Variants in CUL4B observed in about 807,000 individuals in gnomAD.
CUL4B encodes cullin 4B, also known as cullin-4B.
CUL4B carries 1 observed loss-of-function variant against 69.2 expected under a neutral mutation model. The ratio of observed to expected loss-of-function variants is 0.01; its 90% CI spans 0.01 to 0.07. The LOEUF (loss-of-function observed/expected upper bound fraction) is 0.07. Ranked by LOEUF, CUL4B falls within the 10% of genes least tolerant of loss-of-function variation. The probability of loss-of-function intolerance (pLI) is 1.00; values close to 1 mark genes in which losing one functional copy is unlikely to be tolerated. For synonymous variants in CUL4B, 237 were observed against 223.2 expected, an observed-to-expected ratio of 1.06 and a Z score of -0.55; for missense variants, 328 against 638.8, an observed-to-expected ratio of 0.51 and a Z score of 5.24.
At chrX:120,557,701 T>C (rs962981020) in intron 2 of CUL4B, among the ~76,000 whole-genome samples, 1 of 111,710 alleles carries the variant, frequency 9.0e-6, no homozygotes, top group East Asian at 2.8e-4. Flanking sequence ...CTGTAATTTC[T>C]TATCAGGAGG....
At chrX:120,546,241 A>AG (rs887942802) in intron 4 of CUL4B, among the ~76,000 whole-genome samples, 1 of 110,277 alleles carries the variant, frequency 9.1e-6, no homozygotes, top group Non-Finnish European at 1.9e-5. Context: ...GAAGAGTGGG[A>AG]GGGGGGCGAG....
At chrX:120,554,412 A>G (rs1221446837) in intron 2 of CUL4B, among the ~76,000 whole-genome samples, 1 of 112,258 alleles carries the variant, frequency 8.9e-6, no homozygotes, top group Non-Finnish European at 1.9e-5. Flanking sequence ...GCACGCAAAC[A>G]AACAAAACAG....
chrX:120,569,446 C>T (rs1418930695), downstream of CUL4B, among the ~76,000 whole-genome samples: 1 of 108,033 alleles, frequency 9.3e-6, no homozygotes, highest in Non-Finnish European at 1.9e-5. Context: ...CTGCAAGCTC[C>T]GACTCCCTGG....
chrX:120,561,266 C>T (rs1406418151), upstream of CUL4B: 2 of 523,306 alleles, frequency 3.8e-6, no homozygotes, highest in Middle Eastern at 5.0e-4. Flanking sequence ...TCCCGCTCCC[C>T]TTCGCGATCC....
At chrX:120,572,639 G>A (rs1268116819) in intron 2 of CUL4B, among the ~76,000 whole-genome samples, 2 of 110,046 alleles carry the variant, frequency 1.8e-5, no homozygotes, top group Non-Finnish European at 3.8e-5. Flanking sequence ...CTTAACCAAC[G>A]TGCAGTTTTT....
rs775568620 is a variant in CUL4B at position 120,531,330 on chromosome X, A to T, written c.2440-1076T>A. Among the ~76,000 whole-genome samples, 410 of 104,262 alleles carry T rather than the reference A, an allele frequency of 3.9e-3. 2 individuals are homozygous for T. The highest frequency in any genetic ancestry group is 0.014 in the African/African-American group (389 of 28,751). The allele number at this position is 104,262 out of a possible 115,157, so 90.5% of individuals were successfully genotyped here. On this transcript the variant is annotated intron_variant, in intron 18 of 19. Transcript: ENST00000371322. ...AGTGAGACTCCACCTCAAAAAAAAAATTTTTTTTTTTTCAAATATTGCATT... is the reference window on the plus strand; with the variant it reads ...AGTGAGACTCCACCTCAAAAAAAAATTTTTTTTTTTTTCAAATATTGCATT...
chrX:120,532,986 C>T (rs1923417472), intron 17 of CUL4B, among the ~76,000 whole-genome samples: 1 of 112,197 alleles, frequency 8.9e-6, no homozygotes, highest in Non-Finnish European at 1.9e-5. Context: ...TCCAGTTGCA[C>T]GTTTAAAGGG....
Position 120,560,760 on chromosome X carries a change from C to T in CUL4B, c.-122G>A. On this transcript the variant is annotated 5_prime_UTR_variant, in exon 1 of 20. The change creates a new upstream start codon in the 5' untranslated region. Transcript: ENST00000371322. ...GGGAAGAAAGAAGAGAGGAGAAACA[C>T]AGAGGACGAGAAGGAAAGTGAAGGG... 2.0e-6 allele frequency: 2 copies of T among 1,007,403 alleles called. No individual in the cohort carries two copies. Among genetic ancestry groups the T allele is most frequent in the Non-Finnish European group, 2.5e-6 (2 of 793,913 alleles). 83.0% of individuals were successfully genotyped at this position (1,007,403 alleles called of 1,213,427 possible). A position where few individuals can be genotyped will look rare whatever the true frequency, so the allele number is the denominator to read the frequency against.
intron 2 of CUL4B, among the ~76,000 whole-genome samples, chrX:120,550,606 C>T (rs1456571047): frequency 8.9e-6 from 1 of 111,851 alleles, no homozygotes; most frequent in East Asian, 2.8e-4. Flanking sequence ...CTGGGCTTTA[C>T]AGCACAGAGT....
chrX:120,549,671 G>C (rs1924569251), intron 2 of CUL4B, among the ~76,000 whole-genome samples: 1 of 111,685 alleles, frequency 9.0e-6, no homozygotes, highest in Non-Finnish European at 1.9e-5. Flanking sequence ...AGCTATGGAG[G>C]AATAAGAAGG....
At chrX:120,528,744 T>G (rs1338526370) in intron 19 of CUL4B, among the ~76,000 whole-genome samples, 6 of 111,570 alleles carry the variant, frequency 5.4e-5, no homozygotes, top group African/African-American at 9.8e-5. Flanking sequence ...ATGAAATGGC[T>G]TGATAAATGA....
rs748210847 is a variant in CUL4B at position 120,524,259 on chromosome X, C to G, written c.*2502G>C. 1.4e-4 allele frequency among the ~76,000 whole-genome samples: 16 copies of G among 111,850 alleles called. No individual in the cohort carries two copies. Among genetic ancestry groups the G allele is most frequent in the African/African-American group, 4.5e-4 (14 of 30,908 alleles). On this transcript the variant is annotated 3_prime_UTR_variant, in exon 20 of 20. Transcript: ENST00000371322. ...AGAAAAGGCAGAGCAAATGCCATAA[C>G]TAAGAGTAATCTTTTCTTCTCCCCT... is the stretch of plus-strand genomic sequence containing the variant.
At chrX:120,572,866 C>T (rs771168516) in intron 2 of CUL4B, among the ~76,000 whole-genome samples, 12 of 111,519 alleles carry the variant, frequency 1.1e-4, no homozygotes, top group Admixed American at 1.9e-4. Context: ...TCTTACCTTA[C>T]GTTGCTGGAC....
At chrX:120,556,903 GTATA>G (rs67116649) in intron 2 of CUL4B, among the ~76,000 whole-genome samples, 1,132 of 80,043 alleles carry the variant, frequency 0.014, 13 homozygotes, top group African/African-American at 0.053. Context: ...GTACTCTGAA[GTATA>G]TATATATTTT....
chrX:120,528,548 C>G lies in CUL4B; in HGVS notation c.2592+1554G>C, dbSNP rs189448311. On this transcript the variant is annotated intron_variant, in intron 19 of 19. Coordinates refer to ENST00000371322, the MANE Select transcript of CUL4B (RefSeq NM_001079872.2). ...CCAGCCTGACCAATATGGTAAAACC[C>G]CGTCTCTACTAAAAACACAAAAATT... is the stretch of plus-strand genomic sequence containing the variant. 9.4e-4 allele frequency among the ~76,000 whole-genome samples: 104 copies of G among 110,448 alleles called. 10 individuals carry two copies. In the East Asian group the frequency reaches 0.012, roughly 13 times the overall value.
At chrX:120,542,886 G>C in intron 9 of CUL4B, 80 bp downstream of exon 9, 1 of 712,705 alleles carries the variant, frequency 1.4e-6, no homozygotes, top group Non-Finnish European at 2.2e-6. Flanking sequence ...ACTTTTAAAA[G>C]GGCAACATCT....
At position 120,546,902 on chromosome X, in the gene CUL4B, G is replaced by T. The variant is rs983202794; in HGVS notation, c.776+234C>A. Among the ~76,000 whole-genome samples, 3 of 111,772 alleles carry T rather than the reference G, an allele frequency of 2.7e-5. No homozygotes were observed. The South Asian group carries it at 1.1e-3, about 41-fold the overall frequency. The stretch of plus-strand genomic sequence containing the variant: ...TTTTCCTCAAGTGGAAATCTGATAG[G>T]GCAAAAAGGATAAAGACATAAGGAC... On this transcript the variant is annotated intron_variant, in intron 3 of 19. Coordinates refer to ENST00000371322, the MANE Select transcript of CUL4B (RefSeq NM_001079872.2).
At chrX:120,567,201 G>A (rs1925581681), downstream of CUL4B, among the ~76,000 whole-genome samples, 1 of 99,444 alleles carries the variant, frequency 1.0e-5, no homozygotes, top group African/African-American at 3.8e-5. Flanking sequence ...TTGGCTCACT[G>A]CAATCTCCAT....
upstream of CUL4B, among the ~76,000 whole-genome samples, chrX:120,564,348 G>T (rs371942980): frequency 1.8e-5 from 2 of 111,711 alleles, no homozygotes; most frequent in Non-Finnish European, 3.8e-5. Context: ...GCTCAGGCTT[G>T]TAATCCCAAA....
Sources: gnomAD v4.1 joint callset for allele counts (sites outside exome capture counted in the v4.1 genomes callset) on GRCh38, gnomAD v4.1.1 for gene constraint, MANE v1.5 for transcripts, NCBI Gene and HGNC (gene_info 2026-07-23, HGNC 2026-07-21) for gene names.